NSMF: variants seen among roughly 807,000 people sequenced by gnomAD.
NSMF encodes nasal embryonic LHRH factor.
A neutral mutation model predicts 71.0 loss-of-function variants in NSMF; 31 were observed. The observed-to-expected ratio is 0.44, with a 90% confidence interval of 0.33 to 0.59. NSMF has a LOEUF of 0.59. Among genes scored for constraint, NSMF ranks in the 20% least tolerant of loss-of-function variants. NSMF has a pLI of 0.04. For synonymous variants in NSMF, 345 were observed against 287.1 expected (o/e 1.20, Z -2.04); for missense variants, 673 against 740.5 (o/e 0.91, Z 1.06).
At position 137,453,523 on chromosome 9, in the gene NSMF, GGC is replaced by G. The variant is rs943377682; in HGVS notation, c.922+206_922+207del. On this transcript the variant is annotated intron_variant, in intron 8 of 15. Coordinates refer to ENST00000371475, the MANE Select transcript of NSMF (RefSeq NM_001130969.3). This position sits in a 1 kb window ranked among gnomAD's most constrained non-coding sequence, Gnocchi z 4.5. ...GAGTGGCGGTGGGCACGGCCCTACA[GGC>G]GCCCCCGGCCAGCACTGCCGCGGCC... 4 of 605,222 alleles carry G rather than the reference GGC, an allele frequency of 6.6e-6. No homozygotes were observed. Among genetic ancestry groups the G allele is most frequent in the Non-Finnish European group, 1.2e-5 (4 of 344,254 alleles). 37.5% of individuals were successfully genotyped at this position (605,222 alleles called of 1,614,324 possible).
rs1455653053 is a variant in NSMF, at chr9:137,456,492, A to G, written c.629-6T>C. 6.2e-7 allele frequency: 1 copy of G among 1,604,168 alleles called. No individual in the cohort carries two copies. The highest frequency in any genetic ancestry group is 8.5e-7 in the Non-Finnish European group (1 of 1,171,558). ...GGTACGAATAGGGATGTCGTCTAAG[A>G]GAGACAAAAAGGAGCGGTGGCTGGG... On this transcript the variant is annotated splice_polypyrimidine_tract_variant and splice_region_variant and intron_variant, in intron 3 of 15. Coordinates refer to ENST00000371475, the MANE Select transcript of NSMF (RefSeq NM_001130969.3).
intron 4 of NSMF, among the ~76,000 whole-genome samples, chr9:137,456,090 G>A (rs543515668): frequency 1.3e-5 from 2 of 152,360 alleles, no homozygotes; most frequent in African/African-American, 4.8e-5. Flanking sequence ...GGGGTTTGAG[G>A]GAGGGCAGAC....
At position 137,459,249 on chromosome 9, in the gene NSMF, C is replaced by T. The variant is rs1831052576; in HGVS notation, c.-147G>A. 2 of 478,200 alleles carry T rather than the reference C, an allele frequency of 4.2e-6. No homozygotes were observed. Among genetic ancestry groups the T allele is most frequent in the East Asian group, 1.3e-4 (1 of 7,950 alleles). 29.6% of individuals were successfully genotyped at this position (478,200 alleles called of 1,614,324 possible). A position where few individuals can be genotyped will look rare whatever the true frequency, so the allele number is the denominator to read the frequency against. ...TCCGGCTCGGGCTTGGGCTCGGGGT[C>T]GGGCTCGGGGTCGGGCCCGGTCCCC... On this transcript the variant is annotated 5_prime_UTR_variant, in exon 1 of 16. Coordinates refer to ENST00000371475, the MANE Select transcript of NSMF (RefSeq NM_001130969.3).
At chr9:137,452,916 C>T (rs1011439339) in intron 9 of NSMF, 97 bp from the exon 10 acceptor site, 2 of 1,555,754 alleles carry the variant, frequency 1.3e-6, no homozygotes, top group Non-Finnish European at 1.8e-6. Context: ...TGCCAGGCAG[C>T]CCAAGGGTAT....
In NSMF at chr9:137,447,728, T is replaced by A. The variant is rs1186121910; in HGVS notation, c.*1666A>T. 6.6e-6 allele frequency: 1 copy of A among 151,430 alleles called. No homozygotes were observed. The allele number at this position is 151,430 out of a possible 1,614,324, so 9.4% of individuals were successfully genotyped here. On this transcript the variant is annotated 3_prime_UTR_variant, in exon 16 of 16. Transcript: ENST00000371475. ...TCAAGCCTGCCAGGCTGTGCCAGGC[T>A]GCGCACCAGTGGCCCCCTGACCCTA...
intron 10 of NSMF, 22 bp from the exon 11 acceptor site, chr9:137,452,608 A>G (rs1830592882): frequency 6.2e-7 from 1 of 1,611,012 alleles, no homozygotes; most frequent in Non-Finnish European, 8.5e-7. Flanking sequence ...CACAGGCCAC[A>G]AGGCCACATC....
chr9:137,458,214 TG>T (rs1325994056), intron 2 of NSMF, among the ~76,000 whole-genome samples: 1 of 152,118 alleles, frequency 6.6e-6, no homozygotes, highest in African/African-American at 2.4e-5. Context: ...CCCCACCAGC[TG>T]GCCCCCAGAG....
Position 137,457,658 on chromosome 9 carries a change from C to A in NSMF, c.377G>T (p.Gly126Val). The A allele has an allele frequency of 6.5e-7, 1 of 1,549,954 alleles. No individual in the cohort carries two copies. Among genetic ancestry groups the A allele is most frequent in the East Asian group, 2.4e-5 (1 of 40,932 alleles). ...AEAIELAVVKGRRQRHPHHHS... is the reference protein window; with the variant it reads ...AEAIELAVVKVRRQRHPHHHS... ...ATGGTGAGGGTGCCGCTGCCGCCGC[C>A]CCTTCACCACCGCCAGCTCAATGGC... The change falls in exon 3 of 16, where the codon GGG becomes GTG. Residue 126 changes from glycine (G) to valine (V), a missense_variant. This residue lies in a region of NSMF where 471 missense variants were observed against 459.6 expected (regional missense o/e 1.02). Transcript: ENST00000371475.
At position 137,454,713 on chromosome 9, in the gene NSMF, G is replaced by A. The variant is rs539454740; in HGVS notation, c.780-270C>T. The A allele has an allele frequency of 3.3e-5, 50 of 1,507,908 alleles. No homozygotes were observed. In the African/African-American group the frequency reaches 5.2e-4, roughly 16 times the overall value. The allele number at this position is 1,507,908 out of a possible 1,614,324, so 93.4% of individuals were successfully genotyped here. On this transcript the variant is annotated intron_variant, in intron 6 of 15. Coordinates refer to ENST00000371475, the MANE Select transcript of NSMF (RefSeq NM_001130969.3). The stretch of plus-strand genomic sequence containing the variant: ...AGTCTCCTCCCGAGCTGCATTCCCA[G>A]GCTCTGACCTTCCGTCCTCGCCCGG...
rs1830889959 is a variant in NSMF, at chr9:137,457,411, C to T, written c.624G>A (p.Val208=). 3.1e-6 allele frequency: 5 copies of T among 1,612,936 alleles called. No individual in the cohort carries two copies. Among genetic ancestry groups the T allele is most frequent in the Non-Finnish European group, 1.7e-6 (2 of 1,180,008 alleles). The change falls in exon 3 of 16, where the codon GTG becomes GTA. Residue 208 remains valine, a synonymous_variant. Transcript: ENST00000371475. Reference sequence around the variant, plus strand: ...GCCCTGACACAAACCCCTCACCAGACACACGGTCAACGCTGTACATCCTCT... The same window carrying T: ...GCCCTGACACAAACCCCTCACCAGATACACGGTCAACGCTGTACATCCTCT... ...KLERMYSVDR[V]SDDIPIRTWF...
chr9:137,449,197 G>A lies in NSMF; in HGVS notation c.*197C>T. ...CAGGGCGGGATCCTCCCGGCCCCCA[G>A]GGACTGCAGCCTCTGCGGCCACGGG... On this transcript the variant is annotated 3_prime_UTR_variant, in exon 16 of 16. Coordinates refer to ENST00000371475, the MANE Select transcript of NSMF (RefSeq NM_001130969.3). 3.3e-6 allele frequency: 2 copies of A among 614,094 alleles called. No individual in the cohort carries two copies. Among genetic ancestry groups the A allele is most frequent in the Non-Finnish European group, 5.8e-6 (2 of 341,896 alleles). The allele number at this position is 614,094 out of a possible 1,614,324, so 38.0% of individuals were successfully genotyped here.
In NSMF at chr9:137,448,977, TG is replaced by T. The variant is rs1226572489; in HGVS notation, c.*416del. The T allele has an allele frequency of 3.1e-6, 1 of 323,600 alleles. No individual in the cohort carries two copies. The allele number at this position is 323,600 out of a possible 1,614,324, so 20.0% of individuals were successfully genotyped here. ...GAACACATGTGGGCTGCTGGGCTGC[TG>T]GGCCGGGGTGCCTACACTGTAACTA... On this transcript the variant is annotated 3_prime_UTR_variant, in exon 16 of 16. Transcript: ENST00000371475. This position sits in a 1 kb window ranked among gnomAD's most constrained non-coding sequence, Gnocchi z 5.3.
intron 9 of NSMF, 92 bp downstream of exon 9, chr9:137,452,964 G>C: frequency 6.3e-7 from 1 of 1,587,974 alleles, no homozygotes; most frequent in Non-Finnish European, 8.6e-7. Context: ...AGCTGGAGAA[G>C]GCTGCGTGGT....
In NSMF at chr9:137,455,614, C is replaced by A. The variant is rs1352190024; in HGVS notation, c.710+15G>T. The A allele has an allele frequency of 9.7e-6, 15 of 1,550,194 alleles. No individual in the cohort carries two copies. The highest frequency in any genetic ancestry group is 2.4e-5 in the East Asian group (1 of 40,928). On this transcript the variant is annotated intron_variant, in intron 5 of 15. Coordinates refer to ENST00000371475, the MANE Select transcript of NSMF (RefSeq NM_001130969.3). ...ACAGCTGTGCCCTTAGGCACCAAGT[C>A]ATACAGGTACTTACGAGATGCTGAA...
chr9:137,455,556 C>T, intron 5 of NSMF, 73 bp downstream of exon 5: 1 of 1,506,688 alleles, frequency 6.6e-7, no homozygotes, highest in Non-Finnish European at 9.0e-7. Context: ...CCTGCCCAAA[C>T]CTATTTGGGG....
At chr9:137,454,369 C>A (rs541056384) in intron 7 of NSMF, 22 bp downstream of exon 7, 16 of 1,548,616 alleles carry the variant, frequency 1.0e-5, no homozygotes, top group Admixed American at 2.0e-5. Context: ...CGCCCCCCCA[C>A]CCCCGCCGCA....
At position 137,459,058 on chromosome 9, in the gene NSMF, G is replaced by C. The variant is rs1831038864; in HGVS notation, c.45C>G (p.Ala15=). Residue 15 remains alanine, a synonymous_variant, in exon 1 of 16, where the codon GCC becomes GCG. Coordinates refer to ENST00000371475, the MANE Select transcript of NSMF (RefSeq NM_001130969.3). ...GCACTTTGGCCGCCACCGAGGACAT[G>C]GCCTCGCTCCTCAGCGCCCTCCTCC... is the stretch of plus-strand genomic sequence containing the variant. ...ASRRRALRSE[A]MSSVAAKVRA... 1.6e-6 allele frequency: 2 copies of C among 1,288,150 alleles called. No homozygotes were observed. The highest frequency in any genetic ancestry group is 2.9e-4 in the Middle Eastern group (1 of 3,410). 79.8% of individuals were successfully genotyped at this position (1,288,150 alleles called of 1,614,324 possible).
chr9:137,453,710 G>A lies in NSMF; in HGVS notation c.922+21C>T, dbSNP rs760436797. 7 of 1,579,692 alleles carry A rather than the reference G, an allele frequency of 4.4e-6. No individual in the cohort carries two copies. The highest frequency in any genetic ancestry group is 2.6e-6 in the Non-Finnish European group (3 of 1,163,642). ...AGGGGAGGCTCTGGGGAAGGTGGGC[G>A]GGCCTGTGCGGGGCACCTACTGTCT... On this transcript the variant is annotated intron_variant, in intron 8 of 15. Coordinates refer to ENST00000371475, the MANE Select transcript of NSMF (RefSeq NM_001130969.3). This position sits in a 1 kb window ranked among gnomAD's most constrained non-coding sequence, Gnocchi z 4.5.
intron 7 of NSMF, 63 bp downstream of exon 7, chr9:137,454,328 A>G: frequency 6.8e-7 from 1 of 1,473,536 alleles, no homozygotes; most frequent in Admixed American, 2.0e-5. Context: ...AGCTAGCAGC[A>G]AGCAAAGCCC....
Sources: allele counts gnomAD v4.1 joint callset (sites outside exome capture counted in the v4.1 genomes callset), GRCh38; gene constraint gnomAD v4.1.1; regional missense constraint gnomAD v4.1.1; non-coding constraint Gnocchi (gnomAD v3.1); transcripts MANE v1.5; gene names NCBI Gene and HGNC (gene_info 2026-07-23, HGNC 2026-07-21).